OPCML: variants seen among roughly 807,000 people sequenced by gnomAD.
The protein encoded by OPCML is opioid binding protein/cell adhesion molecule like, also known as opioid-binding protein/cell adhesion molecule.
OPCML carries 13 observed loss-of-function variants against 37.8 expected under a neutral mutation model. That is an observed-to-expected ratio of 0.34 (90% CI 0.22 to 0.55). OPCML has a LOEUF of 0.55. Ranked by LOEUF, OPCML falls within the 20% of genes least tolerant of loss-of-function variation. OPCML has a pLI of 0.91. For synonymous variants in OPCML, 176 were observed against 168.8 expected, an observed-to-expected ratio of 1.04 and a Z score of -0.33; for missense variants, 341 against 435.6, an observed-to-expected ratio of 0.78 and a Z score of 1.93.
chr11:132,511,886 A>G (rs913081484), intron 4 of OPCML, among the ~76,000 whole-genome samples: 2 of 152,134 alleles, frequency 1.3e-5, no homozygotes, highest in African/African-American at 4.8e-5. Flanking sequence ...GTAAAACTGA[A>G]TTCCTTTACA....
intron 1 of OPCML, among the ~76,000 whole-genome samples, chr11:133,318,240 C>T (rs1943249670): frequency 6.6e-6 from 1 of 152,298 alleles, no homozygotes. Flanking sequence ...GTTATTTAGG[C>T]TCCTAGACCC....
chr11:132,844,999 AT>A (rs1212035860), intron 2 of OPCML, among the ~76,000 whole-genome samples: 1 of 151,910 alleles, frequency 6.6e-6, no homozygotes, highest in Non-Finnish European at 1.5e-5. Context: ...TTTTAAAGAA[AT>A]CAAAGACATA....
chr11:132,865,943 G>A (rs1451854448), intron 2 of OPCML, among the ~76,000 whole-genome samples: 1 of 152,070 alleles, frequency 6.6e-6, no homozygotes, highest in African/African-American at 2.4e-5. Flanking sequence ...CTATTGCCAG[G>A]AATCTGTTTA....
At chr11:133,455,616 T>C (rs979087752) in intron 1 of OPCML, among the ~76,000 whole-genome samples, 1 of 152,204 alleles carries the variant, frequency 6.6e-6, no homozygotes, top group Non-Finnish European at 1.5e-5. Context: ...TGCACATAAT[T>C]AGAAAACATC....
At chr11:133,185,643 A>C (rs2136292712) in intron 1 of OPCML, among the ~76,000 whole-genome samples, 1 of 152,348 alleles carries the variant, frequency 6.6e-6, no homozygotes, top group Non-Finnish European at 1.5e-5. Context: ...GGGAATGAGA[A>C]GCAAGAAAAA....
chr11:133,460,626 C>T (rs1375363854), intron 1 of OPCML, among the ~76,000 whole-genome samples: 1 of 151,764 alleles, frequency 6.6e-6, no homozygotes, highest in African/African-American at 2.4e-5. Flanking sequence ...ACACACCTTA[C>T]CAGGACTGAA....
chr11:132,895,685 A>G (rs1049853220), intron 2 of OPCML, among the ~76,000 whole-genome samples: 1 of 152,138 alleles, frequency 6.6e-6, no homozygotes, highest in Non-Finnish European at 1.5e-5. Flanking sequence ...CCCACCCACA[A>G]TAGTATAGGG....
At chr11:132,637,603 T>C (rs1940588507) in intron 3 of OPCML, among the ~76,000 whole-genome samples, 1 of 152,160 alleles carries the variant, frequency 6.6e-6, no homozygotes, top group African/African-American at 2.4e-5. Flanking sequence ...ATCCTAGACT[T>C]TGGTCTTTGC....
chr11:133,200,271 T>C (rs1156828330), intron 1 of OPCML, among the ~76,000 whole-genome samples: 1 of 152,218 alleles, frequency 6.6e-6, no homozygotes, highest in Non-Finnish European at 1.5e-5. Flanking sequence ...ATTGGCACAC[T>C]GATTTCTACA....
At chr11:133,297,959 C>T (rs553381498) in intron 1 of OPCML, 1 of 152,134 alleles carries the variant, frequency 6.6e-6, no homozygotes, top group South Asian at 2.1e-4. Context: ...CTACTGTTCC[C>T]TCCTCCCCTT....
chr11:133,202,152 T>A (rs995291277), intron 1 of OPCML, among the ~76,000 whole-genome samples: 1 of 151,986 alleles, frequency 6.6e-6, no homozygotes, highest in Non-Finnish European at 1.5e-5. Context: ...CAAGGAGGGG[T>A]CTCTGCCGAG....
chr11:132,486,693 C>CT (rs1247287226), intron 4 of OPCML, among the ~76,000 whole-genome samples: 4 of 150,042 alleles, frequency 2.7e-5, no homozygotes, highest in South Asian at 2.1e-4. Context: ...TCTTTCTTTC[C>CT]TTTTTTTCTC....
intron 1 of OPCML, among the ~76,000 whole-genome samples, chr11:133,434,397 T>C (rs7102247): frequency 0.011 from 1,697 of 152,246 alleles, 13 homozygotes; most frequent in South Asian, 0.036. Context: ...TGAGTATTTG[T>C]CACTTTCTCC....
At chr11:132,777,715 G>A (rs1212978318) in intron 2 of OPCML, among the ~76,000 whole-genome samples, 1 of 152,162 alleles carries the variant, frequency 6.6e-6, no homozygotes, top group Non-Finnish European at 1.5e-5. Context: ...AGGAAAGAGT[G>A]GAGCAGGAGG....
chr11:132,500,519 G>A (rs1444372094), intron 4 of OPCML, among the ~76,000 whole-genome samples: 4 of 151,940 alleles, frequency 2.6e-5, no homozygotes, highest in African/African-American at 7.3e-5. Flanking sequence ...CTTGTTTTCT[G>A]GTGTCTTTAC....
chr11:133,294,880 G>A (rs4584584), intron 1 of OPCML, among the ~76,000 whole-genome samples: 90,820 of 140,932 alleles, frequency 0.64, 30,388 homozygotes, highest in East Asian at 0.85. Context: ...CTGGAGTGCA[G>A]TGGTGCAGTC....
intron 1 of OPCML, among the ~76,000 whole-genome samples, chr11:133,097,302 T>C (rs1949017178): frequency 6.6e-6 from 1 of 152,138 alleles, no homozygotes. Flanking sequence ...AAATGACCCG[T>C]GGGTCAAAGA....
intron 2 of OPCML, among the ~76,000 whole-genome samples, chr11:132,890,613 G>A (rs999465944): frequency 4.4e-5 from 6 of 136,220 alleles, no homozygotes; most frequent in African/African-American, 1.2e-4. Flanking sequence ...TTGGGAGGCC[G>A]AGGCAGGCGG....
chr11:132,554,379 T>C (rs1385774255), intron 3 of OPCML, among the ~76,000 whole-genome samples: 1 of 152,214 alleles, frequency 6.6e-6, no homozygotes, highest in Non-Finnish European at 1.5e-5. Flanking sequence ...CTGTGTCAAA[T>C]CAAAGTCTGT....
Sources: allele counts gnomAD v4.1 joint callset (sites outside exome capture counted in the v4.1 genomes callset), GRCh38; gene constraint gnomAD v4.1.1; transcripts MANE v1.5; gene names NCBI Gene and HGNC (gene_info 2026-07-23, HGNC 2026-07-21).